Variants in HDAC9 observed in about 807,000 individuals in gnomAD.
HDAC9 encodes MEF-2 interacting transcription repressor (MITR) protein.
HDAC9 carries 41 observed loss-of-function variants against 139.4 expected under a neutral mutation model. The observed-to-expected ratio is 0.29, with a 90% confidence interval of 0.23 to 0.38. HDAC9 has a LOEUF of 0.38. Ranked by LOEUF, HDAC9 falls within the 10% of genes least tolerant of loss-of-function variation. The pLI, the probability that HDAC9 is intolerant of heterozygous loss-of-function variation, is 1.00. For missense variants in HDAC9, 1,147 were observed against 1,297.0 expected (o/e 0.88, Z 1.78); for synonymous variants, 517 against 476.2 (o/e 1.09, Z -1.12).
intron 13 of HDAC9, among the ~76,000 whole-genome samples, chr7:18,734,806 C>T (rs1014161346): frequency 3.3e-5 from 5 of 152,186 alleles, no homozygotes; most frequent in South Asian, 2.1e-4. Flanking sequence ...CTTGAGGAAT[C>T]GCCACACTGT....
chr7:18,403,444 C>T (rs575762731), intron 1 of HDAC9, among the ~76,000 whole-genome samples: 53 of 152,208 alleles, frequency 3.5e-4, no homozygotes, highest in Non-Finnish European at 6.0e-4. Context: ...AATCGAAACA[C>T]GCTGTTGCAC....
rs137920662 is a variant in HDAC9, at chr7:18,089,516, A to G, written c.-97+2303A>G. ...TATATTTAAGATATAGATGAATTCT[A>G]TTTGAGGTTTAGGAGTTTTGAATCT... On this transcript the variant is annotated intron_variant, in intron 1 of 12. Transcript: ENST00000417496. 4.4e-3 allele frequency among the ~76,000 whole-genome samples: 669 copies of G among 152,150 alleles called. 4 individuals are homozygous for G. Among genetic ancestry groups the G allele is most frequent in the African/African-American group, 0.015 (639 of 41,562 alleles).
At chr7:18,414,391 C>CTT (rs538817266) in intron 1 of HDAC9, among the ~76,000 whole-genome samples, 2 of 141,586 alleles carry the variant, frequency 1.4e-5, no homozygotes, top group African/African-American at 2.6e-5. Flanking sequence ...CTCATCCTTC[C>CTT]TTTTTTTTTT....
At chr7:18,168,897 T>TTTTGTG (rs1351720169) in intron 2 of HDAC9, among the ~76,000 whole-genome samples, 16 of 94,336 alleles carry the variant, frequency 1.7e-4, no homozygotes, top group Non-Finnish European at 2.4e-4. Flanking sequence ...TTTTTTTTTT[T>TTTTGTG]TGTGTGTGTG....
At chr7:18,392,943 A>T (rs1411424584) in intron 1 of HDAC9, among the ~76,000 whole-genome samples, 2 of 147,660 alleles carry the variant, frequency 1.4e-5, no homozygotes, top group East Asian at 3.9e-4. Flanking sequence ...AAAAAAAAAA[A>T]GGAAATACTA....
chr7:18,361,172 C>G (rs56125927), intron 1 of HDAC9, among the ~76,000 whole-genome samples: 2 of 152,010 alleles, frequency 1.3e-5, no homozygotes, highest in Admixed American at 6.6e-5. Flanking sequence ...ATAGACTATA[C>G]TAAGATATTG....
At chr7:18,212,361 A>G (rs1290383425) in intron 2 of HDAC9, among the ~76,000 whole-genome samples, 1 of 152,212 alleles carries the variant, frequency 6.6e-6, no homozygotes, top group Admixed American at 6.5e-5. Context: ...ACAATAAAAT[A>G]CATTTTTAAA....
intron 12 of HDAC9, among the ~76,000 whole-genome samples, chr7:18,669,960 C>T (rs997906152): frequency 1.3e-5 from 2 of 151,636 alleles, no homozygotes; most frequent in African/African-American, 4.8e-5. Flanking sequence ...GTTTTATGCT[C>T]CTTTTTTTCA....
chr7:18,509,349 T>C (rs1800747324), intron 2 of HDAC9: 3 of 985,472 alleles, frequency 3.0e-6, no homozygotes, highest in Non-Finnish European at 3.6e-6. Flanking sequence ...AGGGGAAGAC[T>C]GTCAGCTACG....
At chr7:18,467,651 C>T (rs1161798055) in intron 1 of HDAC9, among the ~76,000 whole-genome samples, 2 of 152,260 alleles carry the variant, frequency 1.3e-5, no homozygotes, top group African/African-American at 4.8e-5. Flanking sequence ...CAAGATATTA[C>T]AGTCCCCATA....
At chr7:18,569,125 A>G (rs914519660) in intron 2 of HDAC9, among the ~76,000 whole-genome samples, 2 of 152,166 alleles carry the variant, frequency 1.3e-5, no homozygotes, top group African/African-American at 4.8e-5. Flanking sequence ...ACTTTCTGTT[A>G]GGGGCAGATA....
chr7:18,833,312 C>A (rs1320565023), intron 19 of HDAC9, among the ~76,000 whole-genome samples: 2 of 152,142 alleles, frequency 1.3e-5, no homozygotes, highest in Non-Finnish European at 2.9e-5. Context: ...GAGAACATAT[C>A]ATTTTATATT....
intron 11 of HDAC9, among the ~76,000 whole-genome samples, chr7:18,652,514 T>A (rs1043456439): frequency 1.4e-4 from 21 of 151,778 alleles, no homozygotes; most frequent in Non-Finnish European, 7.4e-5. Flanking sequence ...AAATCTCTAG[T>A]CACTTCACTA....
chr7:18,242,790 T>G (rs1469883387), intron 2 of HDAC9, among the ~76,000 whole-genome samples: 7 of 152,160 alleles, frequency 4.6e-5, no homozygotes, highest in Non-Finnish European at 1.0e-4. Flanking sequence ...AGTTCCTTAG[T>G]CTCTACAATT....
intron 2 of HDAC9, among the ~76,000 whole-genome samples, chr7:18,172,392 A>G (rs1788521354): frequency 6.6e-6 from 1 of 152,138 alleles, no homozygotes; most frequent in Non-Finnish European, 1.5e-5. Flanking sequence ...GATCTTTTCA[A>G]AAAACCAGCT....
intron 2 of HDAC9, among the ~76,000 whole-genome samples, chr7:18,169,654 C>T (rs1788270502): frequency 6.6e-6 from 1 of 152,060 alleles, no homozygotes. Context: ...TGTTCCCCGC[C>T]CTATGTCCAA....
rs1783900693 is a variant in HDAC9 at position 18,966,999 on chromosome 7, T to C, written c.3023-8807T>C. ...TAAAAATGAGTGCTCTACTTCTGTCTCCCAAGCGAATTGATAATGAATATG... is the reference window on the plus strand; with the variant it reads ...TAAAAATGAGTGCTCTACTTCTGTCCCCCAAGCGAATTGATAATGAATATG... On this transcript the variant is annotated intron_variant, in intron 24 of 25. Transcript: ENST00000686413. 2.0e-5 allele frequency among the ~76,000 whole-genome samples: 3 copies of C among 152,332 alleles called. No homozygotes were observed. In the South Asian group the frequency reaches 6.2e-4, roughly 32 times the overall value.
chr7:18,873,570 G>A (rs981950216), intron 21 of HDAC9, among the ~76,000 whole-genome samples: 2 of 152,024 alleles, frequency 1.3e-5, no homozygotes, highest in African/African-American at 4.8e-5. Context: ...CATTATTGAA[G>A]GATAACTATT....
At position 18,996,866 on chromosome 7, in the gene HDAC9, C is replaced by T. The variant is rs1786495281; in HGVS notation, c.*804C>T. On this transcript the variant is annotated 3_prime_UTR_variant, in exon 26 of 26. Transcript: ENST00000686413. ...CCCAGCCACACACACATCCTTTGTTCTCATGACAGTAGGTCTGAGCAAATG... is the reference window on the plus strand; with the variant it reads ...CCCAGCCACACACACATCCTTTGTTTTCATGACAGTAGGTCTGAGCAAATG... 1 of 152,206 alleles carries T rather than the reference C, an allele frequency of 6.6e-6. No homozygotes were observed. The highest frequency in any genetic ancestry group is 1.5e-5 in the Non-Finnish European group (1 of 68,036). The allele number at this position is 152,206 out of a possible 1,614,324, so 9.4% of individuals were successfully genotyped here.
Sources: allele counts gnomAD v4.1 joint callset (sites outside exome capture counted in the v4.1 genomes callset), GRCh38; gene constraint gnomAD v4.1.1; transcripts MANE v1.5; gene names NCBI Gene and HGNC (gene_info 2026-07-23, HGNC 2026-07-21).